The following SLC25A48 variants were observed in gnomAD, a reference collection of about 807,000 sequenced individuals.
SLC25A48 encodes CTC-321K16.1.
In SLC25A48, 29 loss-of-function variants were observed where a neutral mutation model predicts 32.2. The observed-to-expected ratio is 0.90, with a 90% CI of 0.67 to 1.23. The LOEUF is 1.23. SLC25A48 is among the 50% of genes most tolerant of loss of function. SLC25A48 has a pLI of 0.00. For missense variants in SLC25A48, 399 were observed against 422.7 expected (o/e 0.94, Z 0.49); for synonymous variants, 164 against 172.3 (o/e 0.95, Z 0.38).
chr5:135,589,425 A>G (rs371360339), intron 1 of SLC25A48, among the ~76,000 whole-genome samples: 19 of 152,332 alleles, frequency 1.2e-4, no homozygotes, highest in African/African-American at 4.3e-4. Context: ...GGCTGACACC[A>G]GGCACTGGGC....
rs892143624 is a variant in SLC25A48, at chr5:135,834,708, G to T, written c.-140G>T. On this transcript the variant is annotated 5_prime_UTR_variant, in exon 1 of 8. Coordinates refer to ENST00000681962, the MANE Select transcript of SLC25A48 (RefSeq NM_001349336.2). ...CAGCCCGCGCAGCCGGTGACTGGGG[G>T]ACTGGGTTTGGAGTAGGACCTGCGG... The T allele has an allele frequency of 9.9e-6, 9 of 905,008 alleles. No homozygotes were observed. Among genetic ancestry groups the T allele is most frequent in the African/African-American group, 8.5e-5 (5 of 58,782 alleles). The allele number at this position is 905,008 out of a possible 1,614,324, so 56.1% of individuals were successfully genotyped here.
intron 1 of SLC25A48, among the ~76,000 whole-genome samples, chr5:135,584,648 G>C (rs1377931690): frequency 6.6e-6 from 1 of 152,190 alleles, no homozygotes; most frequent in Non-Finnish European, 1.5e-5. Flanking sequence ...TCAGAAATCT[G>C]TTTAAAATTC....
chr5:135,639,706 C>T lies in SLC25A48; in HGVS notation c.-521+4750C>T, dbSNP rs1476995148. On this transcript the variant is annotated intron_variant, in intron 3 of 10. Coordinates refer to the SLC25A48 transcript ENST00000646290. ...AAGGACCATGCTCTAGAGTAAAGTT[C>T]ATACCCTGAGACTAAGGAAAAAGAA... 3.9e-5 allele frequency among the ~76,000 whole-genome samples: 6 copies of T among 152,260 alleles called. No homozygotes were observed. The East Asian group carries it at 1.2e-3, about 29-fold the overall frequency.
intron 3 of SLC25A48, among the ~76,000 whole-genome samples, chr5:135,762,333 G>A (rs922090546): frequency 6.6e-6 from 1 of 152,142 alleles, no homozygotes; most frequent in African/African-American, 2.4e-5. Context: ...GGTGAAGGGT[G>A]GTGTTTGCAG....
At chr5:135,616,807 C>T (rs371819517) in intron 1 of SLC25A48, among the ~76,000 whole-genome samples, 20 of 152,142 alleles carry the variant, frequency 1.3e-4, no homozygotes, top group South Asian at 8.3e-4. Flanking sequence ...TGTGGGAGAA[C>T]GAACTAATAC....
chr5:135,791,702 G>A (rs140720535), intron 3 of SLC25A48, among the ~76,000 whole-genome samples: 57 of 151,528 alleles, frequency 3.8e-4, no homozygotes, highest in African/African-American at 1.3e-3. Flanking sequence ...CACATTGGGG[G>A]TACACACTGT....
intron 3 of SLC25A48, among the ~76,000 whole-genome samples, chr5:135,678,175 G>C (rs1753812367): frequency 1.3e-5 from 2 of 152,030 alleles, no homozygotes; most frequent in Non-Finnish European, 2.9e-5. Flanking sequence ...TCACGTTATG[G>C]TGTCACATAT....
chr5:135,612,138 TA>T (rs1752087541), intron 1 of SLC25A48, among the ~76,000 whole-genome samples: 1 of 152,154 alleles, frequency 6.6e-6, no homozygotes. Flanking sequence ...ATAAGCAGAA[TA>T]AAAAATAAGT....
chr5:135,607,933 C>A (rs1057406801), intron 1 of SLC25A48, among the ~76,000 whole-genome samples: 12 of 152,248 alleles, frequency 7.9e-5, no homozygotes, highest in Non-Finnish European at 1.3e-4. Flanking sequence ...AGTCTCCTTA[C>A]ATTATTCTGC....
intron 3 of SLC25A48, among the ~76,000 whole-genome samples, chr5:135,700,684 G>T (rs908455642): frequency 1.3e-5 from 2 of 152,192 alleles, no homozygotes; most frequent in Non-Finnish European, 2.9e-5. Flanking sequence ...TCTCAATGGT[G>T]CAGGCACCCT....
intron 3 of SLC25A48, among the ~76,000 whole-genome samples, chr5:135,714,054 C>T (rs1036853571): frequency 1.7e-4 from 26 of 152,322 alleles, no homozygotes; most frequent in African/African-American, 5.5e-4. Flanking sequence ...GGTTGTGAGA[C>T]TGATGAAGTT....
At chr5:135,830,302 A>G (rs573412539), upstream of SLC25A48, among the ~76,000 whole-genome samples, 57 of 152,176 alleles carry the variant, frequency 3.7e-4, no homozygotes, top group Non-Finnish European at 6.5e-4. Context: ...TCTTGATGAG[A>G]CCTCCGCAGC....
At chr5:135,719,961 G>C (rs970691922) in intron 3 of SLC25A48, among the ~76,000 whole-genome samples, 3 of 152,226 alleles carry the variant, frequency 2.0e-5, no homozygotes, top group Non-Finnish European at 4.4e-5. Flanking sequence ...ACCCAGCAAG[G>C]CTTTCTTTGA....
intron 2 of SLC25A48, among the ~76,000 whole-genome samples, chr5:135,847,402 G>T (rs1177569347): frequency 6.6e-6 from 1 of 152,192 alleles, no homozygotes; most frequent in Non-Finnish European, 1.5e-5. Flanking sequence ...AGGGGGCCAG[G>T]TTCCTGGGGA....
intron 3 of SLC25A48, among the ~76,000 whole-genome samples, chr5:135,770,598 G>T (rs1259131327): frequency 6.6e-6 from 1 of 151,640 alleles, no homozygotes; most frequent in South Asian, 2.1e-4. Context: ...CTGTGATATT[G>T]TTCCTAATAT....
chr5:135,603,672 G>T (rs560531456), intron 1 of SLC25A48, among the ~76,000 whole-genome samples: 10 of 152,236 alleles, frequency 6.6e-5, no homozygotes, highest in African/African-American at 9.6e-5. Flanking sequence ...CCCAAGGAAG[G>T]GGGTTCAGAA....
chr5:135,804,343 A>T (rs577057075), intron 3 of SLC25A48, among the ~76,000 whole-genome samples: 3 of 151,898 alleles, frequency 2.0e-5, no homozygotes, highest in African/African-American at 4.8e-5. Context: ...ATTAAGAGTA[A>T]TATCTTCCTA....
At position 135,839,710 on chromosome 5, in the gene SLC25A48, T is replaced by C. The variant is rs373136647; in HGVS notation, c.47-2706T>C. ...CTCACCCAAATCTCGTCTTGAATTA[T>C]AGCTCCCATAATATGTCATGGGAGA... On this transcript the variant is annotated intron_variant, in intron 1 of 7. Transcript: ENST00000681962. 4.6e-4 allele frequency among the ~76,000 whole-genome samples: 70 copies of C among 152,280 alleles called. 1 individual carries two copies. The South Asian group carries it at 0.014, about 31-fold the overall frequency.
In SLC25A48 at chr5:135,834,839, G is replaced by A. The variant is rs1210334643; in HGVS notation, c.-9G>A. The A allele has an allele frequency of 6.3e-7, 1 of 1,594,384 alleles. No individual in the cohort carries two copies. The highest frequency in any genetic ancestry group is 1.1e-5 in the South Asian group (1 of 87,078). On this transcript the variant is annotated 5_prime_UTR_variant, in exon 1 of 8. Transcript: ENST00000681962. ...CCCGGCTCCGGGAGGGCGAGACCGAGCGCCGGCCATGGGAAGCTTCCAGCT... is the reference window on the plus strand; with the variant it reads ...CCCGGCTCCGGGAGGGCGAGACCGAACGCCGGCCATGGGAAGCTTCCAGCT...
Sources: gnomAD v4.1 joint callset for allele counts (sites outside exome capture counted in the v4.1 genomes callset) on GRCh38, gnomAD v4.1.1 for gene constraint, MANE v1.5 for transcripts, NCBI Gene and HGNC (gene_info 2026-07-23, HGNC 2026-07-21) for gene names.